FBXO11: variants seen among roughly 807,000 people sequenced by gnomAD.
The protein encoded by FBXO11 is F-box protein 11, also known as F-box only protein 11.
FBXO11 carries 13 observed loss-of-function variants against 117.0 expected under a neutral mutation model. That is an observed-to-expected ratio of 0.11 (90% CI 0.07 to 0.18). FBXO11 has a LOEUF of 0.18. FBXO11 is among the 10% of genes least tolerant of loss of function. The pLI is 1.00. For missense variants in FBXO11, 767 were observed against 1,164.4 expected (o/e 0.66, Z 4.97); for synonymous variants, 490 against 380.5 (o/e 1.29, Z -3.35).
chr2:47,866,476 T>C (rs1675205332), intron 1 of FBXO11, among the ~76,000 whole-genome samples: 1 of 149,680 alleles, frequency 6.7e-6, no homozygotes, highest in Non-Finnish European at 1.5e-5. Context: ...GCAAGTTTGT[T>C]TTTTTTTTTT....
intron 14 of FBXO11, among the ~76,000 whole-genome samples, chr2:47,819,409 T>C (rs906840567): frequency 1.2e-4 from 19 of 152,240 alleles, no homozygotes; most frequent in South Asian, 4.2e-4. Context: ...AGAGATGGCG[T>C]TTCACCATCT....
At chr2:47,815,684 A>C (rs936384136) in intron 16 of FBXO11, among the ~76,000 whole-genome samples, 1 of 152,224 alleles carries the variant, frequency 6.6e-6, no homozygotes, top group African/African-American at 2.4e-5. Flanking sequence ...AAATTGGCCA[A>C]GTGTTAGAAG....
At chr2:47,862,386 G>A (rs971720619) in intron 1 of FBXO11, among the ~76,000 whole-genome samples, 3 of 152,158 alleles carry the variant, frequency 2.0e-5, no homozygotes, top group Admixed American at 1.3e-4. Context: ...AACAAAGGGC[G>A]GGTGATATGA....
chr2:47,851,050 T>C (rs568509801), intron 1 of FBXO11, among the ~76,000 whole-genome samples: 8 of 152,200 alleles, frequency 5.3e-5, no homozygotes, highest in South Asian at 2.1e-4. Flanking sequence ...CCAAGTTCAA[T>C]TGGACAATGT....
chr2:47,841,992 G>A (rs1344614090), intron 1 of FBXO11, among the ~76,000 whole-genome samples: 1 of 151,098 alleles, frequency 6.6e-6, no homozygotes, highest in East Asian at 2.0e-4. Context: ...CTTTTAGTGG[G>A]GAAGGAGGAG....
chr2:47,839,803 C>A lies in FBXO11; in HGVS notation c.233-34G>T, dbSNP rs763593624. The A allele has an allele frequency of 5.1e-6, 8 of 1,579,234 alleles. No individual in the cohort carries two copies. In the East Asian group the frequency reaches 1.3e-4, roughly 27 times the overall value. On this transcript the variant is annotated intron_variant, in intron 1 of 22. Coordinates refer to ENST00000403359, the MANE Select transcript of FBXO11 (RefSeq NM_001190274.2). ...AACAAAAGCAATAAGAAAAATTATA[C>A]CCTTTTTAAAAAAAGTTCTATGGAT...
At chr2:47,860,558 A>G (rs571753265) in intron 1 of FBXO11, among the ~76,000 whole-genome samples, 1 of 152,026 alleles carries the variant, frequency 6.6e-6, no homozygotes, top group East Asian at 1.9e-4. Context: ...CTACAGGTGC[A>G]TGCCACCACG....
chr2:47,901,263 A>C (rs943396587), intron 1 of FBXO11, among the ~76,000 whole-genome samples: 1 of 150,970 alleles, frequency 6.6e-6, no homozygotes, highest in Non-Finnish European at 1.5e-5. Flanking sequence ...TTATTCTACA[A>C]GATTAGCTCA....
At chr2:47,880,249 G>C (rs1391394243) in intron 1 of FBXO11, among the ~76,000 whole-genome samples, 1 of 151,976 alleles carries the variant, frequency 6.6e-6, no homozygotes, top group Non-Finnish European at 1.5e-5. Flanking sequence ...CACCCAACTT[G>C]GCCTCCCAGA....
chr2:47,880,717 G>C (rs1299603074), intron 1 of FBXO11, among the ~76,000 whole-genome samples: 1 of 152,036 alleles, frequency 6.6e-6, no homozygotes, highest in African/African-American at 2.4e-5. Flanking sequence ...AGAAATAAGT[G>C]CCACTCTTTA....
intron 1 of FBXO11, among the ~76,000 whole-genome samples, chr2:47,879,298 C>T (rs1340209016): frequency 1.3e-5 from 2 of 152,164 alleles, no homozygotes; most frequent in Admixed American, 1.3e-4. Context: ...AAAACTCAAC[C>T]TGCTGGGTAA....
chr2:47,905,271 G>A (rs777962134), intron 1 of FBXO11: 3 of 307,490 alleles, frequency 9.8e-6, no homozygotes, highest in Non-Finnish European at 1.7e-5. Context: ...CGCGGCCTGA[G>A]CGAGAGCCCA....
intron 1 of FBXO11, among the ~76,000 whole-genome samples, chr2:47,867,450 C>G (rs1675280479): frequency 6.6e-6 from 1 of 152,170 alleles, no homozygotes; most frequent in South Asian, 2.1e-4. Context: ...ACTCTTTGGT[C>G]AGAACTGTTC....
At chr2:47,827,701 ATTT>A (rs34598751) in intron 11 of FBXO11, among the ~76,000 whole-genome samples, 2 of 136,600 alleles carry the variant, frequency 1.5e-5, no homozygotes, top group Admixed American at 7.3e-5. Context: ...AAGAAATTAG[ATTT>A]TTTTTTTTTT....
Position 47,880,304 on chromosome 2 carries a change from C to A in FBXO11, c.232+25185G>T, listed in dbSNP as rs72811513. ...ATGTAATAGAATTTATCATTTATTT[C>A]ATGACTTCTGGATTGAATCAGTATA... On this transcript the variant is annotated intron_variant, in intron 1 of 22. Coordinates refer to ENST00000403359, the MANE Select transcript of FBXO11 (RefSeq NM_001190274.2). Among the ~76,000 whole-genome samples, 1,408 of 152,272 alleles carry A rather than the reference C, an allele frequency of 9.2e-3. 78 individuals carry two copies. The East Asian group carries it at 0.17, about 18-fold the overall frequency.
At chr2:47,903,332 T>C (rs1173257602) in intron 1 of FBXO11, among the ~76,000 whole-genome samples, 3 of 152,194 alleles carry the variant, frequency 2.0e-5, no homozygotes, top group African/African-American at 7.2e-5. Context: ...TCCAAAACAG[T>C]TTGTACTAGC....
chr2:47,900,557 C>CGTATATATACACACGTATATACGT (rs1553361987), intron 1 of FBXO11, among the ~76,000 whole-genome samples: 1 of 120,980 alleles, frequency 8.3e-6, no homozygotes, highest in African/African-American at 3.0e-5. Flanking sequence ...AGTATATACA[C>CGTATATATACACACGTATATACGT]GTATATATAC....
Position 47,808,391 on chromosome 2 carries a change from T to A in FBXO11, c.2592A>T (p.Ile864=). The change falls in exon 22 of 23, where the codon ATA becomes ATT. Residue 864 remains isoleucine (I), a synonymous_variant. Coordinates refer to ENST00000403359, the MANE Select transcript of FBXO11 (RefSeq NM_001190274.2). ...HTCNTTDRNA[I]CVNCIKKCHQ... ...GGCACTTCTTAATGCAGTTCACACA[T>A]ATGGCATTTCGATCTGTGGTGTTAC... The A allele has an allele frequency of 6.2e-7, 1 of 1,608,588 alleles. No homozygotes were observed. Among genetic ancestry groups the A allele is most frequent in the Non-Finnish European group, 8.5e-7 (1 of 1,177,646 alleles).
intron 1 of FBXO11, among the ~76,000 whole-genome samples, chr2:47,855,366 A>G (rs369301978): frequency 2.0e-5 from 3 of 152,056 alleles, no homozygotes; most frequent in East Asian, 3.9e-4. Flanking sequence ...TGTTTTTTGC[A>G]GAGATGGGGT....
Sources: allele counts gnomAD v4.1 joint callset (sites outside exome capture counted in the v4.1 genomes callset), GRCh38; gene constraint gnomAD v4.1.1; transcripts MANE v1.5; gene names NCBI Gene and HGNC (gene_info 2026-07-23, HGNC 2026-07-21).